Variants in DYNLT1 observed in about 807,000 individuals in gnomAD.
DYNLT1 encodes dynein light chain Tctex-type 1.
A neutral mutation model predicts 19.6 loss-of-function variants in DYNLT1; 18 were observed. The ratio of observed to expected loss-of-function variants is 0.92; its 90% confidence interval spans 0.64 to 1.36. DYNLT1 has a LOEUF of 1.36. Among genes scored for constraint, DYNLT1 ranks in the 40% most tolerant of loss-of-function variants. The pLI, the probability that DYNLT1 is intolerant of heterozygous loss-of-function variation, is 0.00. For synonymous variants in DYNLT1, 56 were observed against 44.0 expected (o/e 1.27, Z -1.07); for missense variants, 137 against 139.3 (o/e 0.98, Z 0.08).
intron 1 of DYNLT1, among the ~76,000 whole-genome samples, chr6:158,643,112 GAAT>G (rs1248081334): frequency 6.6e-6 from 1 of 152,152 alleles, no homozygotes; most frequent in African/African-American, 2.4e-5. Context: ...TTGAGATCTC[GAAT>G]AATGAAGCCA....
Position 158,644,740 on chromosome 6 carries a change from G to A in DYNLT1, c.-32C>T. ...TCCGGCGCGTCCCCTCCGGCTCCCT[G>A]AGTGGCGCGGACTGCGCAGGCGCAC... On this transcript the variant is annotated 5_prime_UTR_variant, in exon 1 of 5. Transcript: ENST00000367089. The A allele has an allele frequency of 3.1e-6, 5 of 1,607,938 alleles. No homozygotes were observed. The highest frequency in any genetic ancestry group is 4.2e-6 in the Non-Finnish European group (5 of 1,179,428).
At chr6:158,644,286 G>A (rs895847692) in intron 1 of DYNLT1, among the ~76,000 whole-genome samples, 5 of 151,822 alleles carry the variant, frequency 3.3e-5, no homozygotes, top group African/African-American at 1.2e-4. Context: ...GCCGCGCCCC[G>A]CTCCAGGCTG....
chr6:158,641,591 A>G, intron 1 of DYNLT1: 1 of 317,078 alleles, frequency 3.2e-6, no homozygotes, highest in East Asian at 5.2e-5. Flanking sequence ...TTTATTTTTG[A>G]GACGGAGTGT....
chr6:158,643,009 T>A (rs915195208), intron 1 of DYNLT1, among the ~76,000 whole-genome samples: 3 of 152,210 alleles, frequency 2.0e-5, no homozygotes, highest in Non-Finnish European at 4.4e-5. Flanking sequence ...ACATGCCTAC[T>A]ACAAGACAGC....
chr6:158,636,903 G>A lies in DYNLT1; in HGVS notation c.272-6C>T, dbSNP rs1787013504. The A allele has an allele frequency of 6.2e-7, 1 of 1,613,288 alleles. No individual in the cohort carries two copies. The highest frequency in any genetic ancestry group is 1.7e-5 in the Admixed American group (1 of 59,912). On this transcript the variant is annotated splice_region_variant and splice_polypyrimidine_tract_variant and intron_variant, in intron 4 of 4. Coordinates refer to ENST00000367089, the MANE Select transcript of DYNLT1 (RefSeq NM_006519.4). Reference sequence around the variant, plus strand: ...CCATCGCACAGTGCAGCTCCCTGCGGGAGGGAAGAGAGCAGCATTTACGGC... The same window carrying A: ...CCATCGCACAGTGCAGCTCCCTGCGAGAGGGAAGAGAGCAGCATTTACGGC...
intron 2 of DYNLT1, among the ~76,000 whole-genome samples, chr6:158,639,236 G>A (rs1787085446): frequency 6.6e-6 from 1 of 152,182 alleles, no homozygotes; most frequent in Non-Finnish European, 1.5e-5. Flanking sequence ...CTCTTGAGTA[G>A]TCACGTTACA....
In DYNLT1 at chr6:158,636,588, C is replaced by G. The variant is rs1804638; in HGVS notation, c.*239G>C. The G allele has an allele frequency of 4.4e-6, 2 of 456,230 alleles. No homozygotes were observed. 28.3% of individuals were successfully genotyped at this position (456,230 alleles called of 1,614,324 possible). A position where few individuals can be genotyped will look rare whatever the true frequency, so the allele number is the denominator to read the frequency against. On this transcript the variant is annotated 3_prime_UTR_variant, in exon 5 of 5. Coordinates refer to ENST00000367089, the MANE Select transcript of DYNLT1 (RefSeq NM_006519.4). ...ACTAGCAGATTTCAGATTTTAGCAC[C>G]TTTGAAATGAAATATTCAGAGTTAA...
At chr6:158,643,747 C>T (rs1185345483) in intron 1 of DYNLT1, among the ~76,000 whole-genome samples, 1 of 152,228 alleles carries the variant, frequency 6.6e-6, no homozygotes, top group African/African-American at 2.4e-5. Context: ...TCCCAAAGTG[C>T]TGGGATTACA....
intron 2 of DYNLT1, among the ~76,000 whole-genome samples, chr6:158,639,229 T>C (rs1001599775): frequency 4.6e-5 from 7 of 152,148 alleles, no homozygotes; most frequent in Admixed American, 1.3e-4. Context: ...CCTGAGACTC[T>C]TGAGTAGTCA....
intron 2 of DYNLT1, among the ~76,000 whole-genome samples, chr6:158,640,904 G>A (rs34614628): frequency 0.024 from 3,608 of 152,240 alleles, 161 homozygotes; most frequent in African/African-American, 0.083. Context: ...ACAATAAAGT[G>A]TGAAATTTAG....
chr6:158,641,330 T>C lies in DYNLT1; in HGVS notation c.58A>G (p.Ile20Val), dbSNP rs1244037793. ...ATTTCTCCTCTTACCTCTTTTACAA[T>C]GTTGCTCACTTCATCAACAACAAAA... is the stretch of plus-strand genomic sequence containing the variant. The part of the protein sequence containing the change: ...TAFVVDEVSN[I>V]VKEAIESAIG... The change falls in exon 2 of 5, where the codon ATT becomes GTT. Residue 20 changes from isoleucine to valine, a missense_variant. Transcript: ENST00000367089. 3.1e-6 allele frequency: 5 copies of C among 1,596,410 alleles called. No homozygotes were observed. Among genetic ancestry groups the C allele is most frequent in the South Asian group, 1.1e-5 (1 of 87,142 alleles).
At position 158,641,357 on chromosome 6, in the gene DYNLT1, C is replaced by T; in HGVS notation, c.31G>A (p.Ala11Thr). ...TTGCTCACTTCATCAACAACAAAAGCAGTCTGTAAGGAAGAACATTCAGTT... is the reference window on the plus strand; with the variant it reads ...TTGCTCACTTCATCAACAACAAAAGTAGTCTGTAAGGAAGAACATTCAGTT... MEDYQAAEET[A>T]FVVDEVSNIV... is the part of the protein sequence containing the mutation. The change falls in exon 2 of 5, where the codon GCT (alanine) becomes ACT (threonine). Residue 11 changes from alanine to threonine, a missense_variant. Physicochemically the swap from Ala to Thr is moderately conservative, Grantham distance 58. Transcript: ENST00000367089. 1 of 1,595,548 alleles carries T rather than the reference C, an allele frequency of 6.3e-7. No homozygotes were observed. Among genetic ancestry groups the T allele is most frequent in the Non-Finnish European group, 8.5e-7 (1 of 1,173,892 alleles).
At chr6:158,637,280 C>T (rs931306601) in intron 3 of DYNLT1, 75 bp from the exon 4 acceptor site, 14 of 1,358,318 alleles carry the variant, frequency 1.0e-5, no homozygotes, top group African/African-American at 1.0e-4. Flanking sequence ...TTTTAGCAAA[C>T]GTACAATGTA....
intron 2 of DYNLT1, among the ~76,000 whole-genome samples, chr6:158,640,029 G>A (rs1250681129): frequency 6.6e-6 from 1 of 152,140 alleles, no homozygotes; most frequent in Admixed American, 6.5e-5. Flanking sequence ...TGGTAACCAA[G>A]TCAAAGATAA....
Position 158,636,655 on chromosome 6 carries a change from T to C in DYNLT1, c.*172A>G. 1.6e-6 allele frequency: 1 copy of C among 641,230 alleles called. No individual in the cohort carries two copies. Among genetic ancestry groups the C allele is most frequent in the East Asian group, 2.9e-5 (1 of 35,042 alleles). The allele number at this position is 641,230 out of a possible 1,614,324, so 39.7% of individuals were successfully genotyped here. A position where few individuals can be genotyped will look rare whatever the true frequency, so the allele number is the denominator to read the frequency against. On this transcript the variant is annotated 3_prime_UTR_variant, in exon 5 of 5. Transcript: ENST00000367089. ...GGCTGCAGGTGACCTACAGGGATAC[T>C]CATCTGACTTCGGTGCCATTCACAT... is the stretch of plus-strand genomic sequence containing the variant.
At chr6:158,638,842 C>A (rs1787077909) in intron 2 of DYNLT1, among the ~76,000 whole-genome samples, 1 of 152,164 alleles carries the variant, frequency 6.6e-6, no homozygotes, top group African/African-American at 2.4e-5. Context: ...TGTCGCTGCT[C>A]TTGCTAAGCT....
chr6:158,642,376 C>G (rs980544884), intron 1 of DYNLT1: 1 of 152,292 alleles, frequency 6.6e-6, no homozygotes, highest in Non-Finnish European at 1.5e-5. Flanking sequence ...GTGCTCTTCA[C>G]ATGAGCACAA....
rs764912294 is a variant in DYNLT1, at chr6:158,641,412, C to T, written c.28-52G>A. On this transcript the variant is annotated intron_variant, in intron 1 of 4. Transcript: ENST00000367089. ...TTGATTTATTTAAAAGATATTTCCA[C>T]TACATTGATAAATGCAAATGTAGGT... 15 of 1,481,736 alleles carry T rather than the reference C, an allele frequency of 1.0e-5. No individual in the cohort carries two copies. In the Admixed American group the frequency reaches 3.1e-4, roughly 31 times the overall value. 91.8% of individuals were successfully genotyped at this position (1,481,736 alleles called of 1,614,324 possible). A position where few individuals can be genotyped will look rare whatever the true frequency, so the allele number is the denominator to read the frequency against.
chr6:158,637,908 C>G lies in DYNLT1; in HGVS notation c.70-14G>C. ...GCTTTCTATAGCCTAGAAAACAAAG[C>G]ACAAAGCGCGTCCCGGTTAACCAAA... On this transcript the variant is annotated splice_polypyrimidine_tract_variant and intron_variant, in intron 2 of 4. Coordinates refer to ENST00000367089, the MANE Select transcript of DYNLT1 (RefSeq NM_006519.4). 1 of 1,600,336 alleles carries G rather than the reference C, an allele frequency of 6.2e-7. No individual in the cohort carries two copies.
Sources: allele counts gnomAD v4.1 joint callset (sites outside exome capture counted in the v4.1 genomes callset), GRCh38; gene constraint gnomAD v4.1.1; transcripts MANE v1.5; gene names NCBI Gene and HGNC (gene_info 2026-07-23, HGNC 2026-07-21).